The following KRT8 variants were observed in gnomAD, a reference collection of about 807,000 sequenced individuals.
KRT8 encodes the protein keratin 8, also known as keratin, type II cytoskeletal 8.
KRT8 carries 24 observed loss-of-function variants against 43.0 expected under a neutral mutation model. The ratio of observed to expected loss-of-function variants is 0.56; its 90% CI spans 0.40 to 0.78. The LOEUF is 0.78. Ranked by LOEUF, KRT8 falls within the 30% of genes least tolerant of loss-of-function variation. The pLI is 0.00. For missense variants in KRT8, 492 were observed against 638.4 expected, an observed-to-expected ratio of 0.77 and a Z score of 2.47; for synonymous variants, 214 against 261.2, an observed-to-expected ratio of 0.82 and a Z score of 1.74.
At chr12:52,925,149 G>A (rs1941964384) in intron 2 of KRT8, among the ~76,000 whole-genome samples, 1 of 152,192 alleles carries the variant, frequency 6.6e-6, no homozygotes, top group Admixed American at 6.5e-5. Flanking sequence ...TCTGAAAATG[G>A]TGCGTTCAGA....
At chr12:52,902,766 CT>C in intron 1 of KRT8, among the ~76,000 whole-genome samples, 1 of 151,850 alleles carries the variant, frequency 6.6e-6, no homozygotes, top group South Asian at 2.1e-4. Context: ...AATCCCAGCA[CT>C]TTGGGTGGCC....
At chr12:52,904,511 G>T in intron 1 of KRT8, 147 bp downstream of exon 1, 1 of 782,500 alleles carries the variant, frequency 1.3e-6, no homozygotes, top group South Asian at 1.6e-5. Context: ...CACGGGAGGG[G>T]TGAGTCGGAG....
chr12:52,899,647 C>T lies in KRT8; in HGVS notation c.981+128G>A, dbSNP rs901253015. ...AGACTGAGAAGCTGAACTGTGGCTG[C>T]CCCTCCAACTCCTGAACCCTGGTCT... On this transcript the variant is annotated intron_variant, in intron 5 of 7. Transcript: ENST00000692008. 78 of 772,696 alleles carry T rather than the reference C, an allele frequency of 1.0e-4. 1 individual carries two copies. Among genetic ancestry groups the T allele is most frequent in the Non-Finnish European group, 1.6e-4 (74 of 468,774 alleles). 47.9% of individuals were successfully genotyped at this position (772,696 alleles called of 1,614,324 possible). A position where few individuals can be genotyped will look rare whatever the true frequency, so the allele number is the denominator to read the frequency against.
At chr12:52,941,067 ATTTTTTT>A (rs10706288) in intron 2 of KRT8, among the ~76,000 whole-genome samples, 7 of 141,946 alleles carry the variant, frequency 4.9e-5, no homozygotes, top group Admixed American at 1.4e-4. Flanking sequence ...CAATACATTA[ATTTTTTT>A]TTTTTTTTTG....
At chr12:52,906,837 C>T (rs1246130939), upstream of KRT8, 1 of 452,880 alleles carries the variant, frequency 2.2e-6, no homozygotes, top group Middle Eastern at 3.3e-4. Flanking sequence ...CTTCCCCATC[C>T]TTCTCTAGGA....
chr12:52,916,650 T>C (rs917397819), intron 2 of KRT8, among the ~76,000 whole-genome samples: 3 of 152,176 alleles, frequency 2.0e-5, no homozygotes, highest in Admixed American at 2.0e-4. Flanking sequence ...CCCCTGAACA[T>C]GCAGTTTATA....
chr12:52,898,881 C>T lies in KRT8; in HGVS notation c.1000G>A (p.Ala334Thr), dbSNP rs149659927. 20 of 1,613,480 alleles carry T rather than the reference C, an allele frequency of 1.2e-5. No individual in the cohort carries two copies. Among genetic ancestry groups the T allele is most frequent in the Middle Eastern group, 1.8e-4 (1 of 5,612 alleles). The change falls in exon 6 of 8, where the codon GCC becomes ACC. Residue 334 changes from alanine (A) to threonine (T), a missense_variant. By Grantham distance (58) the Ala-to-Thr change is moderately conservative. Around this residue, in one of 3 missense-constraint regions of KRT8, gnomAD observed 389 missense variants for 485.7 expected, o/e 0.80. Coordinates refer to ENST00000692008, the Ensembl canonical transcript of KRT8. ...CCACGCTGCTCGGCATCTGCAATGG[C>T]GGCCTCCAGGGAAGCCCTCTGTGGG... is the stretch of plus-strand genomic sequence containing the variant.
intron 2 of KRT8, among the ~76,000 whole-genome samples, chr12:52,934,641 G>A (rs1183040876): frequency 6.6e-6 from 1 of 152,000 alleles, no homozygotes; most frequent in Non-Finnish European, 1.5e-5. Context: ...TTGCCATAAA[G>A]CTGCAGTAAT....
chr12:52,909,269 G>A (rs1189054300), upstream of KRT8, among the ~76,000 whole-genome samples: 1 of 152,192 alleles, frequency 6.6e-6, no homozygotes. Flanking sequence ...AGGTAAAGAG[G>A]CTTCCTGCCT....
upstream of KRT8, among the ~76,000 whole-genome samples, chr12:52,908,945 G>A (rs185177325): frequency 7.4e-4 from 113 of 152,290 alleles, no homozygotes; most frequent in Non-Finnish European, 1.3e-3. Context: ...AGTTGAGGCC[G>A]CATGCATTGA....
At chr12:52,931,666 A>ATG (rs1942086205) in intron 2 of KRT8, among the ~76,000 whole-genome samples, 1 of 150,888 alleles carries the variant, frequency 6.6e-6, no homozygotes, top group African/African-American at 2.4e-5. Context: ...CCATATATAT[A>ATG]TATATATATA....
At chr12:52,946,120 C>T (rs747363582) in intron 2 of KRT8, among the ~76,000 whole-genome samples, 1 of 152,230 alleles carries the variant, frequency 6.6e-6, no homozygotes, top group Non-Finnish European at 1.5e-5. Flanking sequence ...AGCTCTCCCT[C>T]TCCAGCCCCC....
chr12:52,906,332 G>A (rs1417422994), upstream of KRT8, among the ~76,000 whole-genome samples: 2 of 152,202 alleles, frequency 1.3e-5, no homozygotes, highest in African/African-American at 2.4e-5. Context: ...TGCTCCCAGT[G>A]AGTGAATCAT....
chr12:52,938,170 A>ATATATATATATATATATAT (rs1555189967), intron 2 of KRT8, among the ~76,000 whole-genome samples: 5 of 30,296 alleles, frequency 1.7e-4, no homozygotes, highest in African/African-American at 2.9e-4. Context: ...ATATATATAT[A>ATATATATATATATATATAT]TTTTTTTTTT....
rs554816500 is a variant in KRT8, at chr12:52,943,290, C to T, written c.-47+6166G>A. On this transcript the variant is annotated intron_variant, in intron 2 of 6. Transcript: ENST00000546826. ...TCCCTCTCAGTCCACACCCCGGCTC[C>T]AGGCTCCATCGCTCTACTGAAAGTG... is the stretch of plus-strand genomic sequence containing the variant. 3.3e-5 allele frequency among the ~76,000 whole-genome samples: 5 copies of T among 152,306 alleles called. No individual in the cohort carries two copies. The South Asian group carries it at 1.0e-3, about 32-fold the overall frequency.
chr12:52,923,220 G>T (rs1592177846), intron 2 of KRT8, among the ~76,000 whole-genome samples: 1 of 152,192 alleles, frequency 6.6e-6, no homozygotes, highest in African/African-American at 2.4e-5. Context: ...TTTGTTTTGA[G>T]AATTGTTTTA....
intron 2 of KRT8, among the ~76,000 whole-genome samples, chr12:52,936,359 T>C (rs1942169884): frequency 6.6e-6 from 1 of 152,198 alleles, no homozygotes; most frequent in South Asian, 2.1e-4. Flanking sequence ...TCTTCTGGGC[T>C]CAAGTAATCC....
At chr12:52,946,318 C>A (rs539289413) in intron 2 of KRT8, among the ~76,000 whole-genome samples, 26 of 152,224 alleles carry the variant, frequency 1.7e-4, no homozygotes, top group African/African-American at 6.0e-4. Context: ...GCCCGTCTTT[C>A]GAATTAAATT....
intron 2 of KRT8, among the ~76,000 whole-genome samples, chr12:52,939,304 G>A (rs895045645): frequency 2.6e-5 from 4 of 151,784 alleles, no homozygotes; most frequent in African/African-American, 4.8e-5. Flanking sequence ...TCAGGAGTTC[G>A]ACACCAGCCT....
Sources: gnomAD v4.1 joint callset for allele counts (sites outside exome capture counted in the v4.1 genomes callset) on GRCh38, gnomAD v4.1.1 for gene constraint, gnomAD v4.1.1 regional missense constraint, MANE v1.5 for transcripts, NCBI Gene and HGNC (gene_info 2026-07-23, HGNC 2026-07-21) for gene names.